Variants in SAMHD1 observed in about 807,000 individuals in gnomAD.
SAMHD1 encodes the protein SAM and HD domain containing deoxynucleoside triphosphate triphosphohydrolase 1, also known as deoxynucleoside triphosphate triphosphohydrolase SAMHD1.
In SAMHD1, 54 loss-of-function variants were observed where a neutral mutation model predicts 79.6. The observed-to-expected ratio is 0.68, with a 90% CI of 0.55 to 0.85. The LOEUF is 0.85. SAMHD1 is among the 40% of genes least tolerant of loss of function. SAMHD1 has a pLI of 0.00. For synonymous variants in SAMHD1, 260 were observed against 264.1 expected, an observed-to-expected ratio of 0.98 and a Z score of 0.15; for missense variants, 663 against 782.7, an observed-to-expected ratio of 0.85 and a Z score of 1.82.
intron 1 of SAMHD1, among the ~76,000 whole-genome samples, chr20:36,947,353 T>C (rs1466855700): frequency 4.9e-5 from 3 of 60,944 alleles, no homozygotes; most frequent in African/African-American, 1.8e-4. Flanking sequence ...GTGTGTGTCC[T>C]GGGAAAGCAC....
chr20:36,923,287 C>G (rs986463944), intron 6 of SAMHD1, among the ~76,000 whole-genome samples: 1 of 152,100 alleles, frequency 6.6e-6, no homozygotes, highest in East Asian at 1.9e-4. Context: ...GCGCGAGCCA[C>G]CACGCCTGGC....
Position 36,935,445 on chromosome 20 carries a change from T to G in SAMHD1, c.349-256A>C. The G allele has an allele frequency of 1.2e-5, 6 of 490,552 alleles. No individual in the cohort carries two copies. The South Asian group carries it at 1.3e-4, about 10-fold the overall frequency. The allele number at this position is 490,552 out of a possible 1,614,324, so 30.4% of individuals were successfully genotyped here. A position where few individuals can be genotyped will look rare whatever the true frequency, so the allele number is the denominator to read the frequency against. Reference sequence around the variant, plus strand: ...ACAGAAAAATAAGGATTTTGATTTTTTATTATGTATATGACTTAGTCTTTA... The same window carrying G: ...ACAGAAAAATAAGGATTTTGATTTTGTATTATGTATATGACTTAGTCTTTA... On this transcript the variant is annotated intron_variant, in intron 3 of 15. Coordinates refer to ENST00000646673, the MANE Select transcript of SAMHD1 (RefSeq NM_015474.4).
chr20:36,904,487 G>GA, intron 12 of SAMHD1: 1 of 453,366 alleles, frequency 2.2e-6, no homozygotes, highest in Non-Finnish European at 4.1e-6. Flanking sequence ...GGGAGGCCCA[G>GA]GTGGGCGGAT....
rs1380777298 is a variant in SAMHD1, at chr20:36,917,004, T to C, written c.898A>G (p.Ile300Val). Reference sequence around the variant, plus strand: ...ATGCCATTTCTTTTATTAGATACTATCTCATAAAGGAAGCTTTTGTTTTCA... The same window carrying C: ...ATGCCATTTCTTTTATTAGATACTACCTCATAAAGGAAGCTTTTGTTTTCA... ...RPENKSFLYE[I>V]VSNKRNGIDV... The change falls in exon 8 of 16, where the codon ATA (isoleucine) becomes GTA (valine). Residue 300 changes from isoleucine to valine, a missense_variant. By Grantham distance (29) the Ile-to-Val change is conservative. Transcript: ENST00000646673. The C allele has an allele frequency of 1.2e-6, 2 of 1,614,078 alleles. No homozygotes were observed. Among genetic ancestry groups the C allele is most frequent in the South Asian group, 2.2e-5 (2 of 91,084 alleles).
At chr20:36,919,155 T>C (rs546910634) in intron 7 of SAMHD1, among the ~76,000 whole-genome samples, 1 of 152,280 alleles carries the variant, frequency 6.6e-6, no homozygotes, top group African/African-American at 2.4e-5. Context: ...TTTCTGTATA[T>C]ATATTTTTGG....
rs573792610 is a variant in SAMHD1, at chr20:36,937,916, G to A, written c.349-2727C>T. On this transcript the variant is annotated intron_variant, in intron 3 of 15. Transcript: ENST00000646673. ...TCTGTTGCCCAGGCTGGAGTGCAGC[G>A]GCGTGATCATGGCTCACTGAAGCCT... is the stretch of plus-strand genomic sequence containing the variant. Among the ~76,000 whole-genome samples, 279 of 149,432 alleles carry A rather than the reference G, an allele frequency of 1.9e-3. 1 individual carries two copies. The highest frequency in any genetic ancestry group is 6.4e-3 in the African/African-American group (258 of 40,458).
At chr20:36,915,269 T>C (rs1418074278) in intron 9 of SAMHD1, among the ~76,000 whole-genome samples, 1 of 151,956 alleles carries the variant, frequency 6.6e-6, no homozygotes, top group Non-Finnish European at 1.5e-5. Flanking sequence ...GCCCAGGAAG[T>C]CAAGGCTACA....
intron 10 of SAMHD1, 33 bp from the exon 11 acceptor site, chr20:36,911,366 G>C (rs1255159655): frequency 7.4e-7 from 1 of 1,345,372 alleles, no homozygotes; most frequent in Non-Finnish European, 1.1e-6. Flanking sequence ...TTATGTTTAT[G>C]AGAAATTTTG....
intron 10 of SAMHD1, chr20:36,911,713 A>C: frequency 4.9e-6 from 1 of 204,478 alleles, no homozygotes; most frequent in Non-Finnish European, 1.0e-5. Context: ...ACAACAACAA[A>C]AACTCTTACC....
chr20:36,920,523 T>C (rs2063498385), intron 6 of SAMHD1, among the ~76,000 whole-genome samples: 2 of 152,114 alleles, frequency 1.3e-5, no homozygotes, highest in South Asian at 2.1e-4. Flanking sequence ...TCCCAGCGTT[T>C]TGGGAGGCCG....
At chr20:36,946,424 A>AC (rs2063686942) in intron 2 of SAMHD1, 2 of 281,566 alleles carry the variant, frequency 7.1e-6, no homozygotes, top group African/African-American at 4.5e-5. Flanking sequence ...AAAAAAAAAA[A>AC]AACCGAAAAA....
rs1312230330 is a variant in SAMHD1, at chr20:36,930,837, C to G, written c.548G>C (p.Gly183Ala). The G allele has an allele frequency of 2.4e-5, 38 of 1,613,794 alleles. No homozygotes were observed. The highest frequency in any genetic ancestry group is 3.1e-5 in the Non-Finnish European group (36 of 1,179,890). Reference protein sequence around the residue: ...YLAGCLVHALGEKQPELQISE... With the variant: ...YLAGCLVHALAEKQPELQISE... ...TATCTGCAGCTCTGGTTGTTTTTCA[C>G]CCAGTGCGTGAACTAGACATCCTGC... The change falls in exon 5 of 16, where the codon GGT (glycine) becomes GCT (alanine). Residue 183 changes from glycine (G) to alanine (A), a missense_variant. Gly to Ala is a moderately conservative substitution (Grantham distance 60, BLOSUM62 0). Coordinates refer to ENST00000646673, the MANE Select transcript of SAMHD1 (RefSeq NM_015474.4).
At chr20:36,912,018 T>C (rs1186027276) in intron 10 of SAMHD1, 1 of 204,050 alleles carries the variant, frequency 4.9e-6, no homozygotes, top group East Asian at 1.2e-4. Context: ...TACCATTTGG[T>C]ACTAATTTTG....
rs929747117 is a variant in SAMHD1 at position 36,891,440 on chromosome 20, T to C, written c.*1492A>G. ...CCGGGGAGCATCAGAGCAGAAGACA[T>C]TCGGGGCTCATGGCTCCCATCCCCA... On this transcript the variant is annotated 3_prime_UTR_variant, in exon 16 of 16. Coordinates refer to ENST00000646673, the MANE Select transcript of SAMHD1 (RefSeq NM_015474.4). 2.6e-5 allele frequency: 4 copies of C among 152,236 alleles called. No individual in the cohort carries two copies. In the East Asian group the frequency reaches 7.7e-4, roughly 29 times the overall value. 9.4% of individuals were successfully genotyped at this position (152,236 alleles called of 1,614,324 possible).
At chr20:36,905,118 A>C in intron 12 of SAMHD1, 1 of 496,114 alleles carries the variant, frequency 2.0e-6, no homozygotes, top group South Asian at 2.2e-5. Context: ...AAAGATTTGG[A>C]GTTAAGTTAG....
intron 4 of SAMHD1, among the ~76,000 whole-genome samples, chr20:36,932,486 C>T (rs530404593): frequency 4.9e-5 from 6 of 122,126 alleles, no homozygotes; most frequent in East Asian, 2.9e-4. Flanking sequence ...GATGGAGTCT[C>T]GCTGTGTTGC....
At chr20:36,908,109 C>T (rs548487132) in intron 11 of SAMHD1, among the ~76,000 whole-genome samples, 1 of 152,058 alleles carries the variant, frequency 6.6e-6, no homozygotes, top group Non-Finnish European at 1.5e-5. Context: ...CTCCTGAACT[C>T]AAGTGATCCA....
intron 11 of SAMHD1, among the ~76,000 whole-genome samples, chr20:36,909,358 A>G (rs1297913522): frequency 1.3e-5 from 2 of 152,052 alleles, no homozygotes; most frequent in Non-Finnish European, 2.9e-5. Flanking sequence ...ATCTCAGTCA[A>G]TACTTTCCCA....
intron 1 of SAMHD1, among the ~76,000 whole-genome samples, chr20:36,950,173 G>A (rs1010044946): frequency 3.3e-5 from 5 of 152,094 alleles, no homozygotes; most frequent in African/African-American, 7.2e-5. Flanking sequence ...TCATTCTGGA[G>A]GGTAACGAGT....
Sources: allele counts gnomAD v4.1 joint callset (sites outside exome capture counted in the v4.1 genomes callset), GRCh38; gene constraint gnomAD v4.1.1; transcripts MANE v1.5; gene names NCBI Gene and HGNC (gene_info 2026-07-23, HGNC 2026-07-21).